CHN1: variants seen among roughly 807,000 people sequenced by gnomAD.
The protein encoded by CHN1 is chimerin 1, also known as N-chimaerin.
Under a neutral mutation model 59.5 loss-of-function variants are expected in CHN1, and 37 were observed. The ratio of observed to expected loss-of-function variants is 0.62; its 90% CI spans 0.48 to 0.82. The LOEUF is 0.82. CHN1 is among the 40% of genes least tolerant of loss of function. The pLI is 0.00. For missense variants in CHN1, 469 were observed against 571.0 expected (o/e 0.82, Z 1.82); for synonymous variants, 206 against 200.4 (o/e 1.03, Z -0.24).
At chr2:174,988,137 TCACGAGG>T in intron 1 of CHN1, among the ~76,000 whole-genome samples, 1 of 151,960 alleles carries the variant, frequency 6.6e-6, no homozygotes, top group South Asian at 2.1e-4. Context: ...GGCGGGCGGA[TCACGAGG>T]TCAGGAGATC....
chr2:174,935,846 T>A (rs1242833538), intron 3 of CHN1, among the ~76,000 whole-genome samples: 1 of 152,020 alleles, frequency 6.6e-6, no homozygotes, highest in Non-Finnish European at 1.5e-5. Context: ...GGTAGAAGGA[T>A]CACTTGAGCC....
rs543178300 is a variant in CHN1, at chr2:174,887,342, G to T, written c.261-9214C>A. On this transcript the variant is annotated intron_variant, in intron 5 of 12. Transcript: ENST00000409900. The stretch of plus-strand genomic sequence containing the variant: ...AACAATAGTTACCACTTGTTGATTT[G>T]TAATGGCTAATAAGCAAAAGGCTTA... Among the ~76,000 whole-genome samples, 58 of 152,222 alleles carry T rather than the reference G, an allele frequency of 3.8e-4. No homozygotes were observed. In the South Asian group the frequency reaches 0.011, roughly 30 times the overall value.
chr2:174,898,959 C>A (rs1020442861), intron 5 of CHN1, among the ~76,000 whole-genome samples: 1 of 152,182 alleles, frequency 6.6e-6, no homozygotes, highest in Middle Eastern at 3.4e-3. Context: ...ATAAAGAGTA[C>A]AATTTTAGTT....
intron 1 of CHN1, among the ~76,000 whole-genome samples, chr2:174,991,462 T>C (rs1407473465): frequency 6.6e-6 from 1 of 152,240 alleles, no homozygotes; most frequent in Non-Finnish European, 1.5e-5. Context: ...TCCCTTCTCC[T>C]CTGGTTTGAA....
intron 7 of CHN1, among the ~76,000 whole-genome samples, chr2:174,834,208 T>C (rs1175791258): frequency 2.6e-5 from 4 of 152,214 alleles, no homozygotes; most frequent in African/African-American, 9.6e-5. Flanking sequence ...TCCCCCATCC[T>C]CTACTCTACA....
Position 174,818,631 on chromosome 2 carries a change from A to AT in CHN1, c.712+5802dup, listed in dbSNP as rs765050635. Among the ~76,000 whole-genome samples, 17 of 132,064 alleles carry AT rather than the reference A, an allele frequency of 1.3e-4. No individual in the cohort carries two copies. In the South Asian group the frequency reaches 1.9e-3, roughly 15 times the overall value. 86.6% of individuals were successfully genotyped at this position (132,064 alleles called of 152,430 possible). On this transcript the variant is annotated intron_variant, in intron 8 of 12. Coordinates refer to ENST00000409900, the MANE Select transcript of CHN1 (RefSeq NM_001822.7). ...TATTTTTATGTTACTATTAAACCAC[A>AT]TTTTTTTTTATGTTACTATTAAACC...
At chr2:174,891,485 C>T (rs1470604691) in intron 5 of CHN1, among the ~76,000 whole-genome samples, 1 of 150,912 alleles carries the variant, frequency 6.6e-6, no homozygotes, top group Non-Finnish European at 1.5e-5. Context: ...TACAGAATTG[C>T]TCAAACCCGG....
At chr2:174,977,498 G>A (rs1434910328) in intron 1 of CHN1, among the ~76,000 whole-genome samples, 3 of 152,164 alleles carry the variant, frequency 2.0e-5, no homozygotes, top group Non-Finnish European at 2.9e-5. Flanking sequence ...AGACAACAAA[G>A]ACAGTGTCTT....
intron 11 of CHN1, among the ~76,000 whole-genome samples, chr2:174,806,858 T>C (rs1684901366): frequency 6.6e-6 from 1 of 152,166 alleles, no homozygotes; most frequent in Non-Finnish European, 1.5e-5. Context: ...AAGGACACAA[T>C]ATTCCACAAA....
intron 5 of CHN1, among the ~76,000 whole-genome samples, chr2:174,902,445 CCCTT>C (rs1688415727): frequency 6.6e-6 from 1 of 151,646 alleles, no homozygotes; most frequent in African/African-American, 2.4e-5. Context: ...TTGTGCTATC[CCCTT>C]CATCAATATT....
At chr2:174,850,061 T>C (rs931488625) in intron 6 of CHN1, among the ~76,000 whole-genome samples, 1 of 152,180 alleles carries the variant, frequency 6.6e-6, no homozygotes, top group Admixed American at 6.5e-5. Context: ...GTTTAGCATG[T>C]AGTAGGAAAT....
rs149201226 is a variant in CHN1 at position 174,974,347 on chromosome 2, G to A, written c.20-22145C>T. Among the ~76,000 whole-genome samples, 979 of 152,276 alleles carry A rather than the reference G, an allele frequency of 6.4e-3. 16 individuals carry two copies. Among genetic ancestry groups the A allele is most frequent in the African/African-American group, 0.022 (930 of 41,542 alleles). On this transcript the variant is annotated intron_variant, in intron 1 of 12. Coordinates refer to ENST00000409900, the MANE Select transcript of CHN1 (RefSeq NM_001822.7). ...ATGCTTTACTGCACTAACACTGTTG[G>A]AATGCCCGCAAGGATGCTGAATACT...
intron 3 of CHN1, among the ~76,000 whole-genome samples, chr2:174,932,233 G>A (rs780735044): frequency 1.3e-5 from 2 of 152,118 alleles, no homozygotes; most frequent in Non-Finnish European, 1.5e-5. Flanking sequence ...TTTATTTCTC[G>A]TTTATATAAC....
At chr2:174,976,090 C>T (rs1200756929) in intron 1 of CHN1, among the ~76,000 whole-genome samples, 3 of 113,302 alleles carry the variant, frequency 2.6e-5, no homozygotes, top group African/African-American at 1.0e-4. Context: ...CGCGCCACTG[C>T]TCTGTAGCCT....
intron 3 of CHN1, among the ~76,000 whole-genome samples, chr2:174,929,766 A>C (rs1689279938): frequency 1.3e-5 from 2 of 152,230 alleles, no homozygotes; most frequent in Non-Finnish European, 2.9e-5. Context: ...AGTAGTGGTT[A>C]AGGTGTGGAA....
intron 1 of CHN1, among the ~76,000 whole-genome samples, chr2:174,984,532 C>G (rs530660720): frequency 6.6e-6 from 1 of 152,118 alleles, no homozygotes; most frequent in East Asian, 1.9e-4. Context: ...CCACACCCAG[C>G]TAATTTTTGT....
At chr2:174,982,723 T>A (rs945492913) in intron 1 of CHN1, among the ~76,000 whole-genome samples, 6 of 152,186 alleles carry the variant, frequency 3.9e-5, no homozygotes, top group African/African-American at 1.4e-4. Context: ...ATGCTGTGGG[T>A]CACTTTTTCT....
intron 1 of CHN1, among the ~76,000 whole-genome samples, chr2:174,975,735 A>G (rs777002256): frequency 3.3e-5 from 5 of 152,060 alleles, no homozygotes; most frequent in Middle Eastern, 3.2e-3. Flanking sequence ...TGGAATCAGT[A>G]TTTACATAAA....
At chr2:174,833,620 A>T (rs558157005) in intron 7 of CHN1, among the ~76,000 whole-genome samples, 1 of 151,940 alleles carries the variant, frequency 6.6e-6, no homozygotes, top group East Asian at 1.9e-4. Context: ...TGTTTGAGTC[A>T]TTTTCATTTA....
Sources: allele counts gnomAD v4.1 joint callset (sites outside exome capture counted in the v4.1 genomes callset), GRCh38; gene constraint gnomAD v4.1.1; transcripts MANE v1.5; gene names NCBI Gene and HGNC (gene_info 2026-07-23, HGNC 2026-07-21).